Variants in RGS18 observed in about 807,000 individuals in gnomAD.
The protein encoded by RGS18 is regulator of G-protein signaling 18.
In RGS18, 22 loss-of-function variants were observed where a neutral mutation model predicts 27.6. The ratio of observed to expected loss-of-function variants is 0.80; its 90% confidence interval spans 0.57 to 1.14. The LOEUF (loss-of-function observed/expected upper bound fraction) is 1.14. RGS18 is among the 50% of genes most tolerant of loss of function. RGS18 has a pLI of 0.00. For synonymous variants in RGS18, 89 were observed against 84.6 expected (o/e 1.05, Z -0.29); for missense variants, 299 against 269.6 (o/e 1.11, Z -0.76).
chr1:192,181,461 A>G lies in RGS18; in HGVS notation c.450+3A>G. 3 of 1,518,786 alleles carry G rather than the reference A, an allele frequency of 2.0e-6. No homozygotes were observed. Among genetic ancestry groups the G allele is most frequent in the Non-Finnish European group, 2.6e-6 (3 of 1,141,678 alleles). The allele number at this position is 1,518,786 out of a possible 1,614,324, so 94.1% of individuals were successfully genotyped here. ...TACAGACTGATGCCCCAAAAGAGGT[A>G]CAGTAAAGATAACTGTAAAAATGCA... On this transcript the variant is annotated splice_donor_region_variant and intron_variant, in intron 4 of 4. Transcript: ENST00000367460.
At chr1:192,181,104 T>C (rs533341042) in intron 3 of RGS18, among the ~76,000 whole-genome samples, 188 bp from the exon 4 acceptor site, 7 of 151,736 alleles carry the variant, frequency 4.6e-5, no homozygotes, top group Non-Finnish European at 1.0e-4. Context: ...AATAATACTT[T>C]CCTTTTATAG....
intron 3 of RGS18, among the ~76,000 whole-genome samples, chr1:192,170,322 GC>G (rs1292119356): frequency 6.6e-6 from 1 of 152,086 alleles, no homozygotes; most frequent in African/African-American, 2.4e-5. Flanking sequence ...CTCATGAATG[GC>G]TTTGTACTGT....
chr1:192,159,263 C>G lies in RGS18; in HGVS notation c.163C>G (p.Pro55Ala). 1 of 1,613,768 alleles carries G rather than the reference C, an allele frequency of 6.2e-7. No individual in the cohort carries two copies. Among genetic ancestry groups the G allele is most frequent in the Non-Finnish European group, 8.5e-7 (1 of 1,179,746 alleles). Residue 55 changes from proline (P) to alanine (A), a missense_variant, in exon 2 of 5, where the codon CCT becomes GCT. Transcript: ENST00000367460. Reference sequence around the variant, plus strand: ...TAGACTAAGTCTTCTTGTGCAGAAACCTGAGTTTCATGAAGACACCCGCTC... The same window carrying G: ...TAGACTAAGTCTTCTTGTGCAGAAAGCTGAGTTTCATGAAGACACCCGCTC... ...RNRLSLLVQK[P>A]EFHEDTRSSR...
At chr1:192,168,049 T>A (rs1402725062) in intron 3 of RGS18, 1 of 152,222 alleles carries the variant, frequency 6.6e-6, no homozygotes, top group African/African-American at 2.4e-5. Flanking sequence ...TTGAGCCAGC[T>A]TCTTCCAGTG....
intron 3 of RGS18, chr1:192,163,762 C>G (rs976468549): frequency 6.6e-6 from 1 of 151,548 alleles, no homozygotes; most frequent in East Asian, 1.9e-4. Flanking sequence ...AATTGTCAAA[C>G]TTAAAATAAT....
At chr1:192,165,061 A>G (rs941312899) in intron 3 of RGS18, among the ~76,000 whole-genome samples, 7 of 152,182 alleles carry the variant, frequency 4.6e-5, no homozygotes, top group Admixed American at 6.5e-5. Context: ...GGTAAGAGAA[A>G]TATCACTGAA....
At chr1:192,175,275 CAACA>C (rs1249332495) in intron 3 of RGS18, among the ~76,000 whole-genome samples, 1 of 151,336 alleles carries the variant, frequency 6.6e-6, no homozygotes, top group Admixed American at 6.6e-5. Context: ...GATATTTTAT[CAACA>C]AACAAAATAT....
intron 3 of RGS18, among the ~76,000 whole-genome samples, chr1:192,171,698 A>G (rs1656259707): frequency 6.6e-6 from 1 of 152,032 alleles, no homozygotes; most frequent in Non-Finnish European, 1.5e-5. Context: ...TCTTTGTCTA[A>G]CTACTGATTT....
chr1:192,174,498 A>G (rs1335923875), intron 3 of RGS18, among the ~76,000 whole-genome samples: 1 of 151,824 alleles, frequency 6.6e-6, no homozygotes, highest in East Asian at 1.9e-4. Context: ...TTTTTCTATG[A>G]ATTAATGAGT....
intron 4 of RGS18, among the ~76,000 whole-genome samples, chr1:192,182,782 A>T (rs1571395376): frequency 1.3e-5 from 2 of 151,724 alleles, no homozygotes; most frequent in East Asian, 3.9e-4. Context: ...CCTCTCATAG[A>T]AACTAAAGAT....
chr1:192,177,460 A>G (rs1333885859), intron 3 of RGS18, among the ~76,000 whole-genome samples: 1 of 151,668 alleles, frequency 6.6e-6, no homozygotes, highest in Admixed American at 6.6e-5. Flanking sequence ...TTATTGAGTT[A>G]TTTCTCATGT....
At chr1:192,162,219 T>A (rs1241227972) in intron 3 of RGS18, among the ~76,000 whole-genome samples, 1 of 152,232 alleles carries the variant, frequency 6.6e-6, no homozygotes, top group East Asian at 1.9e-4. Context: ...GTACTCACTT[T>A]TCTTCATTTC....
chr1:192,166,849 A>G (rs1341123980), intron 3 of RGS18, among the ~76,000 whole-genome samples: 2 of 152,186 alleles, frequency 1.3e-5, no homozygotes, highest in African/African-American at 4.8e-5. Context: ...TTGTAAGTGC[A>G]CACCTAAAAT....
At chr1:192,160,595 G>T in intron 3 of RGS18, 156 bp downstream of exon 3, 1 of 476,304 alleles carries the variant, frequency 2.1e-6, no homozygotes, top group Non-Finnish European at 3.8e-6. Flanking sequence ...TAATAGAAAA[G>T]TCAAATAATG....
At position 192,182,970 on chromosome 1, in the gene RGS18, A is replaced by T. The variant is rs559171710; in HGVS notation, c.451-1327A>T. Among the ~76,000 whole-genome samples, 7 of 151,696 alleles carry T rather than the reference A, an allele frequency of 4.6e-5. No individual in the cohort carries two copies. The East Asian group carries it at 1.2e-3, about 25-fold the overall frequency. ...TCTAACTAGGCAAGTTTTCAAGTGG[A>T]AAACAATTGAGATTTTCTTTTACTC... On this transcript the variant is annotated intron_variant, in intron 4 of 4. Coordinates refer to ENST00000367460, the MANE Select transcript of RGS18 (RefSeq NM_130782.3).
intron 3 of RGS18, among the ~76,000 whole-genome samples, chr1:192,176,518 T>G (rs751535488): frequency 1.1e-4 from 16 of 151,650 alleles, no homozygotes; most frequent in Non-Finnish European, 2.2e-4. Flanking sequence ...TTTTCTAGTT[T>G]TATAGTTATT....
At chr1:192,163,594 T>C (rs1005052621) in intron 3 of RGS18, 2 of 152,110 alleles carry the variant, frequency 1.3e-5, no homozygotes, top group Non-Finnish European at 2.9e-5. Context: ...AAGAGACACA[T>C]TTAAAGAAAT....
At chr1:192,181,177 T>G in intron 3 of RGS18, 115 bp from the exon 4 acceptor site, 1 of 574,802 alleles carries the variant, frequency 1.7e-6, no homozygotes, top group Non-Finnish European at 3.0e-6. Flanking sequence ...CGGTGCTGCA[T>G]TAGAGGGAAG....
chr1:192,184,541 C>A lies in RGS18; in HGVS notation c.695C>A (p.Ala232Asp), dbSNP rs1200152440. Reference protein sequence around the residue: ...NEFQDVQSDVAIWL With the variant: ...NEFQDVQSDVDIWL ...TTCCAAGATGTACAATCAGATGTTG[C>A]CATTTGGTTATAAAGAAAATTGATT... is the stretch of plus-strand genomic sequence containing the variant. The change falls in exon 5 of 5, where the codon GCC (alanine) becomes GAC (aspartate). Residue 232 changes from alanine (A) to aspartate (D), a missense_variant. Coordinates refer to ENST00000367460, the MANE Select transcript of RGS18 (RefSeq NM_130782.3). The A allele has an allele frequency of 1.2e-6, 2 of 1,610,290 alleles. No homozygotes were observed. Among genetic ancestry groups the A allele is most frequent in the African/African-American group, 1.3e-5 (1 of 74,596 alleles).
Sources: gnomAD v4.1 joint callset for allele counts (sites outside exome capture counted in the v4.1 genomes callset) on GRCh38, gnomAD v4.1.1 for gene constraint, MANE v1.5 for transcripts, NCBI Gene and HGNC (gene_info 2026-07-23, HGNC 2026-07-21) for gene names.